Variants in NCKAP5 observed in about 807,000 individuals in gnomAD.
NCKAP5 encodes the protein nck-associated protein 5.
Under a neutral mutation model 167.0 loss-of-function variants are expected in NCKAP5, and 92 were observed. The observed-to-expected ratio is 0.55, with a 90% CI of 0.47 to 0.66. The LOEUF is 0.66. NCKAP5 is among the 30% of genes least tolerant of loss of function. The pLI, the probability that NCKAP5 is intolerant of heterozygous loss-of-function variation, is 0.00. For missense variants in NCKAP5, 2,378 were observed against 2,315.0 expected (o/e 1.03, Z -0.56); for synonymous variants, 891 against 877.4 (o/e 1.02, Z -0.27).
At chr2:133,541,762 G>C (rs1202023620) in intron 2 of NCKAP5, among the ~76,000 whole-genome samples, 1 of 150,496 alleles carries the variant, frequency 6.6e-6, no homozygotes, top group Non-Finnish European at 1.5e-5. Flanking sequence ...TGACTAAGAA[G>C]TTTATAAAGG....
chr2:133,218,429 C>T (rs1444120266), intron 4 of NCKAP5, among the ~76,000 whole-genome samples: 2 of 152,154 alleles, frequency 1.3e-5, no homozygotes, highest in Admixed American at 1.3e-4. Flanking sequence ...GAAAACTCCA[C>T]TCATGGAAGC....
Position 132,920,687 on chromosome 2 carries a change from T to TTA in NCKAP5, c.580-41773_580-41772dup, listed in dbSNP as rs1211443990. On this transcript the variant is annotated intron_variant, in intron 8 of 19. Coordinates refer to ENST00000409261, the MANE Select transcript of NCKAP5 (RefSeq NM_207363.3). ...TATATATATATATATATAAGTTAGT[T>TTA]TATATATATATATACGTATATGTAT... 2.5e-4 allele frequency among the ~76,000 whole-genome samples: 24 copies of TTA among 97,772 alleles called. 1 individual carries two copies. The East Asian group carries it at 3.5e-3, about 14-fold the overall frequency. 64.1% of individuals were successfully genotyped at this position (97,772 alleles called of 152,430 possible).
chr2:132,769,994 T>A (rs1199977907), intron 16 of NCKAP5, among the ~76,000 whole-genome samples: 5 of 152,240 alleles, frequency 3.3e-5, no homozygotes, highest in African/African-American at 7.2e-5. Flanking sequence ...TCTCAATTCT[T>A]AGCCTTAATG....
intron 8 of NCKAP5, among the ~76,000 whole-genome samples, chr2:132,887,983 C>T (rs1028894765): frequency 3.9e-5 from 6 of 152,164 alleles, no homozygotes; most frequent in South Asian, 4.1e-4. Flanking sequence ...CAAGTAGGGG[C>T]CACACATTTT....
At chr2:133,117,161 T>C (rs2082110160) in intron 6 of NCKAP5, 2 of 152,204 alleles carry the variant, frequency 1.3e-5, no homozygotes, top group South Asian at 2.1e-4. Flanking sequence ...CATGTAATAT[T>C]ATAGTTCGTC....
At chr2:133,137,124 T>C (rs890615232) in intron 5 of NCKAP5, among the ~76,000 whole-genome samples, 1 of 151,872 alleles carries the variant, frequency 6.6e-6, no homozygotes, top group African/African-American at 2.4e-5. Context: ...GCCTTGTTTT[T>C]GTTTTGCACA....
At chr2:133,406,738 T>C (rs1369975998) in intron 3 of NCKAP5, among the ~76,000 whole-genome samples, 1 of 152,158 alleles carries the variant, frequency 6.6e-6, no homozygotes, top group East Asian at 1.9e-4. Flanking sequence ...GCTGAGTAAA[T>C]TCAGTTCTCT....
At chr2:133,427,713 G>A (rs576861288) in intron 3 of NCKAP5, among the ~76,000 whole-genome samples, 137 of 152,028 alleles carry the variant, frequency 9.0e-4, no homozygotes, top group African/African-American at 3.1e-3. Context: ...TGATATGACC[G>A]AGCACAGTTT....
At chr2:133,614,579 C>G in the NCKAP5 span, among the ~76,000 whole-genome samples, 3 of 149,964 alleles carry the variant, frequency 2.0e-5, no homozygotes, top group South Asian at 2.2e-4. Context: ...TGAAATGAAG[C>G]GAGAAGGGAA....
intron 11 of NCKAP5, among the ~76,000 whole-genome samples, chr2:132,817,958 T>G (rs1235938352): frequency 6.6e-6 from 1 of 152,238 alleles, no homozygotes; most frequent in South Asian, 2.1e-4. Context: ...TTTATTTATT[T>G]ATTTTTTAAG....
At chr2:132,729,071 C>T in intron 17 of NCKAP5, 119 bp from the exon 18 acceptor site, 1 of 1,326,578 alleles carries the variant, frequency 7.5e-7, no homozygotes. Flanking sequence ...ACAGTGAAAG[C>T]TGGGCTTCCT....
chr2:132,963,538 CA>C (rs796108253), intron 8 of NCKAP5, among the ~76,000 whole-genome samples, 181 bp downstream of exon 8: 1 of 152,248 alleles, frequency 6.6e-6, no homozygotes, highest in African/African-American at 2.4e-5. Context: ...AACATTAGGT[CA>C]AGACCCTTTC....
intron 6 of NCKAP5, among the ~76,000 whole-genome samples, chr2:133,125,769 GC>G (rs1034532551): frequency 6.6e-6 from 1 of 152,070 alleles, no homozygotes; most frequent in Non-Finnish European, 1.5e-5. Context: ...AGTTTGTTAT[GC>G]CTGTCTGAAT....
chr2:133,015,056 A>C (rs6705102), intron 6 of NCKAP5, among the ~76,000 whole-genome samples: 43,217 of 151,956 alleles, frequency 0.28, 6,599 homozygotes, highest in East Asian at 0.62. Flanking sequence ...ATGAACACAT[A>C]CACTTTATAA....
chr2:133,628,244 C>A, the NCKAP5 span, among the ~76,000 whole-genome samples: 1 of 152,106 alleles, frequency 6.6e-6, no homozygotes, highest in Non-Finnish European at 1.5e-5. Context: ...CTAGAAAACC[C>A]TATAGTCTCA....
At chr2:132,950,647 T>G (rs1239056114) in intron 8 of NCKAP5, among the ~76,000 whole-genome samples, 1 of 152,224 alleles carries the variant, frequency 6.6e-6, no homozygotes, top group East Asian at 1.9e-4. Flanking sequence ...GGAGATTTTT[T>G]GGTGATTTGG....
intron 4 of NCKAP5, among the ~76,000 whole-genome samples, chr2:133,226,608 C>CAT (rs1393378000): frequency 1.3e-5 from 2 of 149,192 alleles, no homozygotes; most frequent in Non-Finnish European, 3.0e-5. Flanking sequence ...AAGATAAACA[C>CAT]ACACACACAC....
At chr2:133,009,988 G>T (rs949836365) in intron 6 of NCKAP5, among the ~76,000 whole-genome samples, 1 of 151,596 alleles carries the variant, frequency 6.6e-6, no homozygotes, top group African/African-American at 2.4e-5. Context: ...GGAGAATGGC[G>T]TGAACCCGGG....
At chr2:133,027,660 C>T (rs577074859) in intron 6 of NCKAP5, among the ~76,000 whole-genome samples, 8 of 152,200 alleles carry the variant, frequency 5.3e-5, no homozygotes, top group Non-Finnish European at 8.8e-5. Flanking sequence ...CTGTTAGGTT[C>T]CTTCCAGTTT....
Sources: allele counts gnomAD v4.1 joint callset (sites outside exome capture counted in the v4.1 genomes callset), GRCh38; gene constraint gnomAD v4.1.1; transcripts MANE v1.5; gene names NCBI Gene and HGNC (gene_info 2026-07-23, HGNC 2026-07-21).